Variants in COL6A1 observed in about 807,000 individuals in gnomAD.
The protein encoded by COL6A1 is collagen alpha-1(VI) chain.
In COL6A1, 80 loss-of-function variants were observed where a neutral mutation model predicts 145.6. That is an observed-to-expected ratio of 0.55 (90% CI 0.46 to 0.66). The LOEUF (loss-of-function observed/expected upper bound fraction) is 0.66. COL6A1 is among the 30% of genes least tolerant of loss of function. The pLI, the probability that COL6A1 is intolerant of heterozygous loss-of-function variation, is 0.00. For synonymous variants in COL6A1, 638 were observed against 622.8 expected (o/e 1.02, Z -0.36); for missense variants, 1,364 against 1,473.8 (o/e 0.93, Z 1.22).
At chr21:45,983,252 C>T (rs1034420326) in intron 2 of COL6A1, among the ~76,000 whole-genome samples, 2 of 152,166 alleles carry the variant, frequency 1.3e-5, no homozygotes, top group African/African-American at 2.4e-5. Context: ...GGAGGGGTGT[C>T]GCTCTGCAGC....
Position 45,998,384 on chromosome 21 carries a change from C to CT in COL6A1, c.1576-10dup, listed in dbSNP as rs777742751. 2 of 1,613,276 alleles carry CT rather than the reference C, an allele frequency of 1.2e-6. No homozygotes were observed. The highest frequency in any genetic ancestry group is 2.2e-5 in the South Asian group (2 of 91,090). On this transcript the variant is annotated splice_polypyrimidine_tract_variant and intron_variant, in intron 23 of 34. Transcript: ENST00000361866. ...ATCAGAACCCGGTATCACTGCCCTG[C>CT]TTTTCCATGACAGGGGTATCCGGGC...
chr21:45,993,844 G>T (rs985030075), intron 19 of COL6A1, among the ~76,000 whole-genome samples: 6 of 152,358 alleles, frequency 3.9e-5, no homozygotes, highest in African/African-American at 1.4e-4. Flanking sequence ...CCAGCTTCCC[G>T]GCGGGCCACA....
chr21:46,001,837 C>G, intron 30 of COL6A1, 124 bp from the exon 31 acceptor site: 1 of 794,784 alleles, frequency 1.3e-6, no homozygotes, highest in Non-Finnish European at 2.1e-6. Context: ...GCAGGGGACC[C>G]AGGTCCTGAG....
chr21:45,987,273 C>A, intron 6 of COL6A1, 98 bp downstream of exon 6: 1 of 1,562,498 alleles, frequency 6.4e-7, no homozygotes, highest in Non-Finnish European at 8.7e-7. Context: ...GCATATCCGC[C>A]CATGTGCCCG....
chr21:46,001,887 A>C, intron 30 of COL6A1, 74 bp from the exon 31 acceptor site: 1 of 1,363,350 alleles, frequency 7.3e-7, no homozygotes, highest in Non-Finnish European at 1.0e-6. Context: ...CCCGCAGCCA[A>C]TAGAGTCACC....
At chr21:45,989,234 C>A in intron 9 of COL6A1, 97 bp downstream of exon 9, 2 of 1,318,338 alleles carry the variant, frequency 1.5e-6, no homozygotes, top group Non-Finnish European at 2.1e-6. Flanking sequence ...GTTCTGAGTG[C>A]CAAAGTCACA....
At position 45,986,511 on chromosome 21, in the gene COL6A1, C is replaced by T. The variant is rs1412208110; in HGVS notation, c.429-15C>T. ...CACCTAGTCTCGAGGTCTCACGCTG[C>T]CCTCTCCTGTCCAGGGGCTCCCACC... On this transcript the variant is annotated splice_polypyrimidine_tract_variant and intron_variant, in intron 3 of 34. Transcript: ENST00000361866. 7.1e-6 allele frequency: 11 copies of T among 1,553,906 alleles called. No individual in the cohort carries two copies. The highest frequency in any genetic ancestry group is 8.7e-6 in the Non-Finnish European group (10 of 1,148,794).
rs537097049 is a variant in COL6A1, at chr21:45,995,225, G to A, written c.1398+996G>A. Among the ~76,000 whole-genome samples, 296 of 152,372 alleles carry A rather than the reference G, an allele frequency of 1.9e-3. 5 individuals carry two copies. The highest frequency in any genetic ancestry group is 5.9e-4 in the Non-Finnish European group (40 of 68,042). ...GTTCGTCCACCTGGTCCTGCGTGCC[G>A]CTCACGGCAGGGGCAGAAAGGGCTC... is the stretch of plus-strand genomic sequence containing the variant. On this transcript the variant is annotated intron_variant, in intron 20 of 34. Transcript: ENST00000361866.
Position 45,994,064 on chromosome 21 carries a change from C to A in COL6A1, c.1336-103C>A. On this transcript the variant is annotated intron_variant, in intron 19 of 34. Coordinates refer to ENST00000361866, the MANE Select transcript of COL6A1 (RefSeq NM_001848.3). The surrounding 1 kb of genome is among the most constrained non-coding windows in gnomAD (Gnocchi z 6.8). ...GTGCGGGGAGGGAAGGCCGGAACAG[C>A]CCAGTGACCACCTGGACAGCATGCT... is the stretch of plus-strand genomic sequence containing the variant. 8.2e-7 allele frequency: 1 copy of A among 1,212,630 alleles called. No homozygotes were observed. Among genetic ancestry groups the A allele is most frequent in the Non-Finnish European group, 1.2e-6 (1 of 839,088 alleles). The allele number at this position is 1,212,630 out of a possible 1,614,324, so 75.1% of individuals were successfully genotyped here.
chr21:45,986,937 C>G lies in COL6A1; in HGVS notation c.589-7C>G. The G allele has an allele frequency of 6.5e-7, 1 of 1,546,014 alleles. No individual in the cohort carries two copies. The highest frequency in any genetic ancestry group is 8.7e-7 in the Non-Finnish European group (1 of 1,149,796). ...CCTGCTCAGCCCACCCTGAACACTG[C>G]CCCCAGGAGCCGCGTCTGAGCATCA... is the stretch of plus-strand genomic sequence containing the variant. On this transcript the variant is annotated splice_region_variant and splice_polypyrimidine_tract_variant and intron_variant, in intron 4 of 34. Coordinates refer to ENST00000361866, the MANE Select transcript of COL6A1 (RefSeq NM_001848.3).
intron 2 of COL6A1, among the ~76,000 whole-genome samples, chr21:45,983,334 T>C (rs2077718945): frequency 7.0e-6 from 1 of 143,650 alleles, no homozygotes; most frequent in Non-Finnish European, 1.5e-5. Flanking sequence ...CATCTGTGCG[T>C]GTGGCTGAGG....
Position 45,992,118 on chromosome 21 carries a change from G to A in COL6A1, c.1182+46G>A, listed in dbSNP as rs535009608. 435 of 1,613,632 alleles carry A rather than the reference G, an allele frequency of 2.7e-4. 5 individuals carry two copies. The South Asian group carries it at 4.4e-3, about 16-fold the overall frequency. ...CACACATGCCAGGTATGGGCCCAGG[G>A]AGGGTCAAGGAGATGGAGCGACCAT... On this transcript the variant is annotated intron_variant, in intron 16 of 34. Coordinates refer to ENST00000361866, the MANE Select transcript of COL6A1 (RefSeq NM_001848.3).
chr21:45,982,150 A>C (rs1312451129), intron 1 of COL6A1, among the ~76,000 whole-genome samples: 1 of 151,326 alleles, frequency 6.6e-6, no homozygotes, highest in African/African-American at 2.4e-5. Context: ...CTCAGCATTC[A>C]GCATTCTCAG....
At position 46,002,399 on chromosome 21, in the gene COL6A1, C is replaced by T; in HGVS notation, c.2248C>T (p.Gln750Ter). The stretch of plus-strand genomic sequence containing the variant: ...CAACGTGCTCTGCAGCCCCGGCATC[C>T]AGGTGGGGTGGCCACCCCCAGGCTG... ...PLNVLCSPGI[Q>*]VVSVGIKDVF... The change falls in exon 32 of 35, where the codon CAG becomes TAG. Residue 750 changes from glutamine to a stop codon, truncating the protein, a stop_gained and splice_region_variant. Coordinates refer to ENST00000361866, the MANE Select transcript of COL6A1 (RefSeq NM_001848.3). LOFTEE classifies it high-confidence loss of function. The T allele has an allele frequency of 6.2e-7, 1 of 1,604,836 alleles. No homozygotes were observed. Among genetic ancestry groups the T allele is most frequent in the Non-Finnish European group, 8.5e-7 (1 of 1,175,974 alleles).
Position 46,001,959 on chromosome 21 carries a change from A to G in COL6A1, c.1957-2A>G, listed in dbSNP as rs1288153449. The G allele has an allele frequency of 3.1e-6, 5 of 1,611,976 alleles. No individual in the cohort carries two copies. The highest frequency in any genetic ancestry group is 4.2e-6 in the Non-Finnish European group (5 of 1,179,678). On this transcript the variant is annotated splice_acceptor_variant, in intron 30 of 34. Coordinates refer to ENST00000361866, the MANE Select transcript of COL6A1 (RefSeq NM_001848.3). LOFTEE classifies it high-confidence loss of function. ...GTCCTGACCCCGGTGCCGGTCCCAC[A>G]GTTCGAGCCAGGGCAGTCGTACGCG...
chr21:46,000,149 T>C (rs986005825), intron 27 of COL6A1, among the ~76,000 whole-genome samples, 182 bp from the exon 28 acceptor site: 3 of 150,980 alleles, frequency 2.0e-5, no homozygotes, highest in Admixed American at 2.0e-4. Context: ...TATGACCACG[T>C]CAGGGGTCCA....
intron 19 of COL6A1, among the ~76,000 whole-genome samples, chr21:45,993,828 G>A (rs1039549914): frequency 3.9e-5 from 6 of 152,236 alleles, no homozygotes; most frequent in Non-Finnish European, 7.3e-5. Flanking sequence ...GGCCAGCCAC[G>A]CAGCTCCAGC....
chr21:45,997,632 A>AG, intron 21 of COL6A1, 68 bp from the exon 22 acceptor site: 1 of 1,541,394 alleles, frequency 6.5e-7, no homozygotes, highest in Non-Finnish European at 8.8e-7. Context: ...CGGCCCCAGG[A>AG]GGGCCCTGCT....
At chr21:45,992,633 G>A in intron 18 of COL6A1, 115 bp from the exon 19 acceptor site, 3 of 1,129,890 alleles carry the variant, frequency 2.7e-6, no homozygotes, top group Non-Finnish European at 3.9e-6. Flanking sequence ...TGGAGGGGTG[G>A]CCCCTCCCAG....
Sources: gnomAD v4.1 joint callset for allele counts (sites outside exome capture counted in the v4.1 genomes callset) on GRCh38, gnomAD v4.1.1 for gene constraint, Gnocchi (gnomAD v3.1) non-coding constraint, MANE v1.5 for transcripts, NCBI Gene and HGNC (gene_info 2026-07-23, HGNC 2026-07-21) for gene names.